The following SPATA13 variants were observed in gnomAD, a reference collection of about 807,000 sequenced individuals.
The protein encoded by SPATA13 is spermatogenesis associated 13.
A neutral mutation model predicts 104.0 loss-of-function variants in SPATA13; 50 were observed. The ratio of observed to expected loss-of-function variants is 0.48; its 90% CI spans 0.38 to 0.61. SPATA13 has a LOEUF of 0.61. Among genes scored for constraint, SPATA13 ranks in the 20% least tolerant of loss-of-function variants. The pLI is 0.00. For missense variants in SPATA13, 1,524 were observed against 1,690.6 expected (o/e 0.90, Z 1.73); for synonymous variants, 606 against 667.5 (o/e 0.91, Z 1.42).
intron 3 of SPATA13, among the ~76,000 whole-genome samples, chr13:24,149,293 A>G (rs1422317835): frequency 6.6e-6 from 1 of 152,186 alleles, no homozygotes; most frequent in Non-Finnish European, 1.5e-5. Context: ...AAGAGAGAAC[A>G]CCGAACACAC....
At chr13:24,100,973 C>A (rs1880239221) in intron 3 of SPATA13, among the ~76,000 whole-genome samples, 1 of 152,226 alleles carries the variant, frequency 6.6e-6, no homozygotes. Flanking sequence ...ACTTCTATTT[C>A]ATGTGACTGA....
In SPATA13 at chr13:24,304,828, TC is replaced by T. The variant is rs1168132575; in HGVS notation, c.*2057del. On this transcript the variant is annotated 3_prime_UTR_variant, in exon 13 of 13. Coordinates refer to ENST00000382108, the MANE Select transcript of SPATA13 (RefSeq NM_001166271.3). Reference sequence around the variant, plus strand: ...CTGCAGGAAGGAGCTTCTGGAGAGGTCCTGTGGCATGTGTGGGGGTGTGTGT... The same window carrying T: ...CTGCAGGAAGGAGCTTCTGGAGAGGTCTGTGGCATGTGTGGGGGTGTGTGT... 1 of 152,138 alleles carries T rather than the reference TC, an allele frequency of 6.6e-6. No individual in the cohort carries two copies. Among genetic ancestry groups the T allele is most frequent in the Non-Finnish European group, 1.5e-5 (1 of 68,050 alleles). The allele number at this position is 152,138 out of a possible 1,614,324, so 9.4% of individuals were successfully genotyped here.
chr13:23,992,786 C>T (rs1467598223), intron 2 of SPATA13, among the ~76,000 whole-genome samples: 1 of 152,188 alleles, frequency 6.6e-6, no homozygotes, highest in Non-Finnish European at 1.5e-5. Context: ...AACTTGGGGA[C>T]ATGGCCACGT....
At chr13:24,262,491 G>T (rs997608999) in intron 4 of SPATA13, among the ~76,000 whole-genome samples, 1 of 152,054 alleles carries the variant, frequency 6.6e-6, no homozygotes, top group Admixed American at 6.6e-5. Context: ...CAAAAGGGAG[G>T]TTACTCATAC....
At chr13:24,003,383 G>T (rs1876071054) in intron 2 of SPATA13, among the ~76,000 whole-genome samples, 1 of 152,184 alleles carries the variant, frequency 6.6e-6, no homozygotes, top group African/African-American at 2.4e-5. Flanking sequence ...GTGGTAAAAA[G>T]ATTGAGAATT....
rs142986707 is a variant in SPATA13 at position 24,038,587 on chromosome 13, A to G, written c.-112+20886A>G. Among the ~76,000 whole-genome samples the G allele has an allele frequency of 5.3e-3, 806 of 152,258 alleles. 10 individuals are homozygous for G. Among genetic ancestry groups the G allele is most frequent in the African/African-American group, 0.018 (765 of 41,548 alleles). Reference sequence around the variant, plus strand: ...ACGTCTTCGGTAAAGTGCCGAGAGTAAGGATTTTAGGCTCTGCAGGTCTTA... The same window carrying G: ...ACGTCTTCGGTAAAGTGCCGAGAGTGAGGATTTTAGGCTCTGCAGGTCTTA... On this transcript the variant is annotated intron_variant, in intron 3 of 14. Transcript: ENST00000424834.
rs369961874 is a variant in SPATA13 at position 24,065,545 on chromosome 13, GGCATATATGAATATTA to G, written c.-112+47848_-112+47863del. Among the ~76,000 whole-genome samples, 1,186 of 152,202 alleles carry G rather than the reference GGCATATATGAATATTA, an allele frequency of 7.8e-3. 23 individuals are homozygous for G. Among genetic ancestry groups the G allele is most frequent in the African/African-American group, 0.027 (1,129 of 41,506 alleles). ...ACTCACTGACCATTCAAGACAGCGT[GGCATATATGAATATTA>G]GCAAGTAACATGGAATTGGATAACA... On this transcript the variant is annotated intron_variant, in intron 3 of 14. Coordinates refer to the SPATA13 transcript ENST00000424834.
chr13:24,289,861 G>A (rs1876212347), intron 8 of SPATA13, among the ~76,000 whole-genome samples: 1 of 152,234 alleles, frequency 6.6e-6, no homozygotes, highest in Admixed American at 6.5e-5. Context: ...TAATAACAAT[G>A]ACAGCCTCAC....
intron 2 of SPATA13, among the ~76,000 whole-genome samples, chr13:24,240,399 C>A (rs1457718931): frequency 1.3e-5 from 2 of 151,926 alleles, no homozygotes; most frequent in Non-Finnish European, 2.9e-5. Flanking sequence ...CCCCCTTGAA[C>A]AATTATCATG....
Position 24,076,406 on chromosome 13 carries a change from C to T in SPATA13, c.-112+58705C>T, listed in dbSNP as rs184416529. On this transcript the variant is annotated intron_variant, in intron 3 of 14. Coordinates refer to the SPATA13 transcript ENST00000424834. ...AAGCACATCTGCAACTGGGCAAGGA[C>T]GAGGGGAACAGACAATGAAAACAGC... is the stretch of plus-strand genomic sequence containing the variant. Among the ~76,000 whole-genome samples the T allele has an allele frequency of 1.9e-3, 288 of 152,192 alleles. 2 individuals carry two copies. Among genetic ancestry groups the T allele is most frequent in the African/African-American group, 6.7e-3 (277 of 41,512 alleles).
rs1415960733 is a variant in SPATA13 at position 24,304,483 on chromosome 13, T to A, written c.*1710T>A. 1 of 151,882 alleles carries A rather than the reference T, an allele frequency of 6.6e-6. No individual in the cohort carries two copies. Among genetic ancestry groups the A allele is most frequent in the Non-Finnish European group, 1.5e-5 (1 of 67,958 alleles). 9.4% of individuals were successfully genotyped at this position (151,882 alleles called of 1,614,324 possible). A position where few individuals can be genotyped will look rare whatever the true frequency, so the allele number is the denominator to read the frequency against. On this transcript the variant is annotated 3_prime_UTR_variant, in exon 13 of 13. Coordinates refer to ENST00000382108, the MANE Select transcript of SPATA13 (RefSeq NM_001166271.3). The stretch of plus-strand genomic sequence containing the variant: ...AGTTTTTTTTTTTCTAACAGGCCCA[T>A]GTTTGAGAATAAACAAGTCTGTGAT...
chr13:24,160,570 C>T (rs998823830), upstream of SPATA13: 5 of 271,222 alleles, frequency 1.8e-5, no homozygotes, highest in Non-Finnish European at 2.8e-5. Context: ...TGGGTGGGGT[C>T]CCCGGCTGTG....
At chr13:24,158,658 GA>G (rs1196134773), upstream of SPATA13, among the ~76,000 whole-genome samples, 3 of 152,042 alleles carry the variant, frequency 2.0e-5, no homozygotes, top group Admixed American at 6.6e-5. Flanking sequence ...CTGAAACCCT[GA>G]AAAAAATATT....
intron 3 of SPATA13, chr13:24,033,893 T>C (rs569017685): frequency 6.6e-6 from 1 of 152,322 alleles, no homozygotes; most frequent in African/African-American, 2.4e-5. Flanking sequence ...TTTTATCATG[T>C]ATCAACAATC....
chr13:24,049,592 C>A (rs1400785799), intron 3 of SPATA13, among the ~76,000 whole-genome samples: 1 of 151,994 alleles, frequency 6.6e-6, no homozygotes, highest in Non-Finnish European at 1.5e-5. Flanking sequence ...TGCTGTAATG[C>A]AACTTAAGCA....
chr13:24,020,037 T>G (rs905200313), intron 3 of SPATA13, among the ~76,000 whole-genome samples: 2 of 152,198 alleles, frequency 1.3e-5, no homozygotes, highest in African/African-American at 4.8e-5. Flanking sequence ...TTGTGTGAGG[T>G]GCGGACTCCA....
At chr13:24,147,619 A>G (rs1881973957) in intron 3 of SPATA13, among the ~76,000 whole-genome samples, 2 of 152,178 alleles carry the variant, frequency 1.3e-5, no homozygotes, top group African/African-American at 4.8e-5. Flanking sequence ...ACTTGTAGTA[A>G]ATATACAGAA....
chr13:24,140,885 AT>A (rs1881740246), intron 3 of SPATA13, among the ~76,000 whole-genome samples: 1 of 152,252 alleles, frequency 6.6e-6, no homozygotes, highest in African/African-American at 2.4e-5. Flanking sequence ...TATTTTAAAA[AT>A]TAAGCCTGGC....
At chr13:23,989,542 C>T (rs1457397410) in intron 2 of SPATA13, among the ~76,000 whole-genome samples, 2 of 152,140 alleles carry the variant, frequency 1.3e-5, no homozygotes, top group African/African-American at 2.4e-5. Context: ...ATTTGCTAAG[C>T]TCATGCAGCT....
Sources: gnomAD v4.1 joint callset for allele counts (sites outside exome capture counted in the v4.1 genomes callset) on GRCh38, gnomAD v4.1.1 for gene constraint, MANE v1.5 for transcripts, NCBI Gene and HGNC (gene_info 2026-07-23, HGNC 2026-07-21) for gene names.